The following OTUD4 variants were observed in gnomAD, a reference collection of about 807,000 sequenced individuals.
OTUD4 encodes OTU domain-containing protein 4.
In OTUD4, 24 loss-of-function variants were observed where a neutral mutation model predicts 130.4. The observed-to-expected ratio is 0.18, with a 90% confidence interval of 0.13 to 0.26. The LOEUF is 0.26. Among genes scored for constraint, OTUD4 ranks in the 10% least tolerant of loss-of-function variants. The pLI is 1.00. For missense variants in OTUD4, 1,031 were observed against 1,329.4 expected (o/e 0.78, Z 3.49); for synonymous variants, 420 against 472.5 (o/e 0.89, Z 1.44).
chr4:145,140,020 A>C, intron 19 of OTUD4, 29 bp from the exon 20 acceptor site: 1 of 672,454 alleles, frequency 1.5e-6, no homozygotes, highest in Non-Finnish European at 2.5e-6. Flanking sequence ...ACTTGTTAAA[A>C]TTATATATCT....
intron 17 of OTUD4, 71 bp from the exon 18 acceptor site, chr4:145,142,405 A>G (rs112447104): frequency 1.5e-6 from 2 of 1,331,886 alleles, no homozygotes; most frequent in African/African-American, 1.5e-5. Context: ...ACTATTTCTA[A>G]CCACCAGATA....
chr4:145,170,026 G>A (rs1752077949), intron 3 of OTUD4, among the ~76,000 whole-genome samples: 1 of 152,216 alleles, frequency 6.6e-6, no homozygotes, highest in Admixed American at 6.5e-5. Flanking sequence ...TACAGGGAAA[G>A]TGATGGAAGC....
rs1042058115 is a variant in OTUD4 at position 145,141,671 on chromosome 4, C to G, written c.1823-32G>C. On this transcript the variant is annotated intron_variant, in intron 18 of 20. Transcript: ENST00000447906. The stretch of plus-strand genomic sequence containing the variant: ...AAGAGAAGAAAAGGAATCAAAATGA[C>G]AAAAGATGAAAATCTCTACAAATAT... 45 of 1,502,168 alleles carry G rather than the reference C, an allele frequency of 3.0e-5. 1 individual carries two copies. Among genetic ancestry groups the G allele is most frequent in the Non-Finnish European group, 3.8e-5 (43 of 1,125,786 alleles). 93.1% of individuals were successfully genotyped at this position (1,502,168 alleles called of 1,614,324 possible).
chr4:145,137,731 C>G lies in OTUD4; in HGVS notation c.3044G>C (p.Arg1015Thr), dbSNP rs1366812712. The change falls in exon 21 of 21, where the codon AGA becomes ACA. Residue 1015 changes from arginine to threonine, a missense_variant. By Grantham distance (71) the Arg-to-Thr change is moderately conservative. Around this residue, in one of 3 missense-constraint regions of OTUD4, gnomAD observed 900 missense variants for 1,095.9 expected, o/e 0.82. Coordinates refer to ENST00000447906, the MANE Select transcript of OTUD4 (RefSeq NM_001366057.1). ...ACTCTCTTCTTTTGGTCTTTGCACT[C>G]TGCTATCAACAGAGTTGGCCCCAGG... ...VSPGANSVDS[R>T]VQRPKEESSE... 11 of 1,614,094 alleles carry G rather than the reference C, an allele frequency of 6.8e-6. No individual in the cohort carries two copies. The highest frequency in any genetic ancestry group is 9.3e-6 in the Non-Finnish European group (11 of 1,180,006).
intron 14 of OTUD4, 84 bp downstream of exon 14, chr4:145,146,183 C>G: frequency 8.5e-6 from 7 of 820,388 alleles, no homozygotes; most frequent in Non-Finnish European, 1.2e-5. Context: ...TATTAGTTTA[C>G]CCTTGGGAAC....
At chr4:145,170,973 CT>C (rs1233100552) in intron 3 of OTUD4, 2 of 152,200 alleles carry the variant, frequency 1.3e-5, no homozygotes, top group Admixed American at 6.5e-5. Context: ...TCTCTTCCCT[CT>C]TCACGAGATG....
chr4:145,155,879 T>C, intron 8 of OTUD4, 57 bp downstream of exon 8: 1 of 1,362,848 alleles, frequency 7.3e-7, no homozygotes, highest in Admixed American at 2.2e-5. Context: ...AAGATTTTAA[T>C]GTACATGCTT....
chr4:145,136,083 G>A lies in OTUD4; in HGVS notation c.*1347C>T, dbSNP rs1750232434. 1 of 152,600 alleles carries A rather than the reference G, an allele frequency of 6.6e-6. No individual in the cohort carries two copies. The allele number at this position is 152,600 out of a possible 1,614,324, so 9.5% of individuals were successfully genotyped here. ...GCATAGCACTCAAACTTCCTGATCA[G>A]AAGATAATCTCAACATAATAAAAGA... On this transcript the variant is annotated 3_prime_UTR_variant, in exon 21 of 21. Transcript: ENST00000447906.
At chr4:145,143,522 A>G (rs1459632945) in intron 16 of OTUD4, 77 bp from the exon 17 acceptor site, 1 of 814,052 alleles carries the variant, frequency 1.2e-6, no homozygotes, top group Non-Finnish European at 2.0e-6. Flanking sequence ...TCCTTTTATA[A>G]TTCACCCTAC....
chr4:145,141,189 ATT>A (rs1313955741), intron 19 of OTUD4, among the ~76,000 whole-genome samples, 188 bp downstream of exon 19: 9 of 151,200 alleles, frequency 6.0e-5, no homozygotes, highest in African/African-American at 1.9e-4. Context: ...AAAAAAAAAA[ATT>A]ATAATACATT....
chr4:145,177,780 T>C (rs549660789), intron 1 of OTUD4, among the ~76,000 whole-genome samples: 1 of 152,308 alleles, frequency 6.6e-6, no homozygotes, highest in East Asian at 1.9e-4. Flanking sequence ...AACTCGAGTC[T>C]CCTCCCCGTC....
In OTUD4 at chr4:145,158,497, C is replaced by T. The variant is rs571152115; in HGVS notation, c.629+1006G>A. On this transcript the variant is annotated intron_variant, in intron 7 of 20. Coordinates refer to ENST00000447906, the MANE Select transcript of OTUD4 (RefSeq NM_001366057.1). ...ACTCCGATTCAAAAACAAAACAAAA[C>T]AAAACAAAAAAAAACAAAAAAAAAA... Among the ~76,000 whole-genome samples the T allele has an allele frequency of 3.0e-3, 424 of 141,992 alleles. 1 individual carries two copies. The highest frequency in any genetic ancestry group is 0.01 in the African/African-American group (387 of 38,290). The allele number at this position is 141,992 out of a possible 152,430, so 93.2% of individuals were successfully genotyped here.
chr4:145,138,349 G>A lies in OTUD4; in HGVS notation c.2426C>T (p.Ser809Phe). ...CTCAGATTCAAGATCAGCCTGGTAAGACAATTGTCCATGACTTTCAGACAC... is the reference window on the plus strand; with the variant it reads ...CTCAGATTCAAGATCAGCCTGGTAAAACAATTGTCCATGACTTTCAGACAC... ...SQVSESHGQL[S>F]YQADLESETP... The change falls in exon 21 of 21, where the codon TCT becomes TTT. Residue 809 changes from serine to phenylalanine, a missense_variant. This residue lies in a region of OTUD4 where 900 missense variants were observed against 1,095.9 expected (regional missense o/e 0.82). Coordinates refer to ENST00000447906, the MANE Select transcript of OTUD4 (RefSeq NM_001366057.1). 6.2e-7 allele frequency: 1 copy of A among 1,614,170 alleles called. No homozygotes were observed. The highest frequency in any genetic ancestry group is 8.5e-7 in the Non-Finnish European group (1 of 1,179,998).
intron 19 of OTUD4, among the ~76,000 whole-genome samples, chr4:145,141,118 G>A (rs1456368075): frequency 3.5e-5 from 5 of 143,658 alleles, no homozygotes; most frequent in African/African-American, 1.0e-4. Flanking sequence ...GCAGTGAGCC[G>A]AGATCACACC....
At chr4:145,162,592 A>G (rs776881432) in intron 6 of OTUD4, 48 bp downstream of exon 6, 46 of 958,794 alleles carry the variant, frequency 4.8e-5, no homozygotes, top group Admixed American at 4.4e-4. Context: ...AAAAGACTGT[A>G]TAAGTTTAGG....
intron 6 of OTUD4, among the ~76,000 whole-genome samples, chr4:145,160,216 C>T (rs1414124451): frequency 1.3e-5 from 2 of 152,164 alleles, no homozygotes; most frequent in African/African-American, 2.4e-5. Flanking sequence ...TAATTGTAAC[C>T]TTGGACGAGC....
At chr4:145,164,130 T>C (rs371388234) in intron 5 of OTUD4, 24 bp downstream of exon 5, 313 of 1,118,304 alleles carry the variant, frequency 2.8e-4, no homozygotes, top group African/African-American at 1.9e-3. Flanking sequence ...TTAAATACTT[T>C]AGAACACTTT....
intron 13 of OTUD4, among the ~76,000 whole-genome samples, chr4:145,147,829 A>T (rs1750894647): frequency 6.6e-6 from 1 of 152,204 alleles, no homozygotes; most frequent in South Asian, 2.1e-4. Context: ...ACAGATTAGA[A>T]ATACAGTGAA....
At position 145,137,513 on chromosome 4, in the gene OTUD4, G is replaced by A. The variant is rs755088872; in HGVS notation, c.3262C>T (p.His1088Tyr). The A allele has an allele frequency of 7.4e-6, 12 of 1,611,544 alleles. No individual in the cohort carries two copies. The highest frequency in any genetic ancestry group is 9.3e-6 in the Non-Finnish European group (11 of 1,178,252). The change falls in exon 21 of 21, where the codon CAT (histidine) becomes TAT (tyrosine). Residue 1088 changes from histidine (H) to tyrosine (Y), a missense_variant. Coordinates refer to ENST00000447906, the MANE Select transcript of OTUD4 (RefSeq NM_001366057.1). ...AATGGTCGCCCTCTGACATTTCGAT[G>A]GTACTGATAACCTTCATCCCGACTT... ...SRSRDEGYQYHRNVRGRPFRG... is the reference protein window; with the variant it reads ...SRSRDEGYQYYRNVRGRPFRG...
Sources: gnomAD v4.1 joint callset for allele counts (sites outside exome capture counted in the v4.1 genomes callset) on GRCh38, gnomAD v4.1.1 for gene constraint, gnomAD v4.1.1 regional missense constraint, MANE v1.5 for transcripts, NCBI Gene and HGNC (gene_info 2026-07-23, HGNC 2026-07-21) for gene names.